RTN1: variants seen among roughly 807,000 people sequenced by gnomAD.
RTN1 encodes the protein reticulon-1.
In RTN1, 25 loss-of-function variants were observed where a neutral mutation model predicts 65.5. The ratio of observed to expected loss-of-function variants is 0.38; its 90% CI spans 0.28 to 0.53. The LOEUF is 0.53. Ranked by LOEUF, RTN1 falls within the 20% of genes least tolerant of loss-of-function variation. The probability of loss-of-function intolerance (pLI) is 0.79; values close to 1 mark genes in which losing one functional copy is unlikely to be tolerated. For synonymous variants in RTN1, 471 were observed against 447.6 expected (o/e 1.05, Z -0.66); for missense variants, 983 against 1,025.4 (o/e 0.96, Z 0.57).
intron 3 of RTN1, among the ~76,000 whole-genome samples, chr14:59,709,746 T>C (rs1884376055): frequency 6.6e-6 from 1 of 152,098 alleles, no homozygotes; most frequent in Non-Finnish European, 1.5e-5. Flanking sequence ...ATAACAAAAA[T>C]GGGAGAGCTT....
chr14:59,741,801 C>A (rs1885122186), intron 2 of RTN1, among the ~76,000 whole-genome samples: 1 of 152,184 alleles, frequency 6.6e-6, no homozygotes, highest in Non-Finnish European at 1.5e-5. Context: ...GCTATTCCCC[C>A]ACACCTGAGG....
chr14:59,698,936 T>C (rs933388224), intron 3 of RTN1, among the ~76,000 whole-genome samples: 1 of 152,214 alleles, frequency 6.6e-6, no homozygotes, highest in Non-Finnish European at 1.5e-5. Flanking sequence ...ATTTTACCTA[T>C]ACAACTGGAG....
chr14:59,800,209 T>C lies in RTN1; in HGVS notation c.242-53728A>G, dbSNP rs566820343. ...AAGCCTGTGAGGCAATGAAGGTAAC[T>C]CTAGAAACAAAATCCCAGCCTAATT... On this transcript the variant is annotated intron_variant, in intron 1 of 8. Coordinates refer to ENST00000267484, the MANE Select transcript of RTN1 (RefSeq NM_021136.3). Among the ~76,000 whole-genome samples, 12 of 152,226 alleles carry C rather than the reference T, an allele frequency of 7.9e-5. No homozygotes were observed. In the East Asian group the frequency reaches 1.5e-3, roughly 20 times the overall value.
intron 1 of RTN1, among the ~76,000 whole-genome samples, chr14:59,770,378 CAAAAA>C (rs774086177): frequency 3.7e-5 from 2 of 53,750 alleles, no homozygotes; most frequent in African/African-American, 9.4e-5. Context: ...AACTCTGCCT[CAAAAA>C]AAAAAAAAAA....
chr14:59,687,574 G>A (rs113800995), intron 3 of RTN1, among the ~76,000 whole-genome samples: 3 of 152,056 alleles, frequency 2.0e-5, no homozygotes, highest in African/African-American at 7.2e-5. Context: ...TGGATCTCCA[G>A]GCATTTGGAG....
At chr14:59,615,138 C>CT (rs1882067033) in intron 3 of RTN1, among the ~76,000 whole-genome samples, 1 of 152,072 alleles carries the variant, frequency 6.6e-6, no homozygotes, top group African/African-American at 2.4e-5. Flanking sequence ...AATTATTTAG[C>CT]TTTTTTCCTT....
At chr14:59,627,564 G>T (rs138455398) in intron 3 of RTN1, among the ~76,000 whole-genome samples, 16 of 152,300 alleles carry the variant, frequency 1.1e-4, no homozygotes, top group African/African-American at 3.1e-4. Context: ...TTCTCATTTT[G>T]TTTTCACTGA....
intron 1 of RTN1, among the ~76,000 whole-genome samples, chr14:59,857,523 C>T (rs1288811143): frequency 6.6e-6 from 1 of 152,148 alleles, no homozygotes; most frequent in East Asian, 1.9e-4. Context: ...TTTATTCCTC[C>T]CCTCGTCCCC....
At chr14:59,793,192 A>G (rs1886380375) in intron 1 of RTN1, among the ~76,000 whole-genome samples, 1 of 152,348 alleles carries the variant, frequency 6.6e-6, no homozygotes, top group Non-Finnish European at 1.5e-5. Flanking sequence ...TTACTAATTA[A>G]CATCAAGTAC....
intron 1 of RTN1, among the ~76,000 whole-genome samples, chr14:59,813,931 G>A (rs930947854): frequency 6.6e-6 from 1 of 152,066 alleles, no homozygotes; most frequent in African/African-American, 2.4e-5. Flanking sequence ...ACCATCGCTG[G>A]AATTGATGAG....
At chr14:59,740,176 A>C (rs1046551020) in intron 2 of RTN1, among the ~76,000 whole-genome samples, 1 of 149,594 alleles carries the variant, frequency 6.7e-6, no homozygotes, top group African/African-American at 2.5e-5. Flanking sequence ...GTGTTTGTTC[A>C]TTATCATATC....
intron 3 of RTN1, among the ~76,000 whole-genome samples, chr14:59,714,232 TAAAAAAAA>T (rs66785056): frequency 3.1e-5 from 4 of 127,962 alleles, no homozygotes; most frequent in African/African-American, 5.5e-5. Context: ...AGACTCCGTC[TAAAAAAAA>T]AAAAAAAAAA....
chr14:59,775,491 G>T (rs1178900177), intron 1 of RTN1, among the ~76,000 whole-genome samples: 1 of 152,108 alleles, frequency 6.6e-6, no homozygotes, highest in African/African-American at 2.4e-5. Context: ...TAATGGTGGT[G>T]ATAGTTAATA....
chr14:59,678,278 C>T (rs777114811), intron 3 of RTN1, among the ~76,000 whole-genome samples: 2 of 152,096 alleles, frequency 1.3e-5, no homozygotes, highest in Non-Finnish European at 2.9e-5. Flanking sequence ...AATGCTAATG[C>T]GAAAATGGCC....
intron 3 of RTN1, among the ~76,000 whole-genome samples, chr14:59,655,592 A>G (rs1458834402): frequency 6.6e-6 from 1 of 152,250 alleles, no homozygotes; most frequent in Middle Eastern, 3.2e-3. Flanking sequence ...ACAATGATCA[A>G]GACAGGGTGG....
At chr14:59,788,556 G>C (rs930059061) in intron 1 of RTN1, among the ~76,000 whole-genome samples, 3 of 151,902 alleles carry the variant, frequency 2.0e-5, no homozygotes, top group Non-Finnish European at 4.4e-5. Flanking sequence ...TTTAGTTCTC[G>C]ATTTTGAAGG....
chr14:59,847,122 C>A (rs1594765584), intron 1 of RTN1, among the ~76,000 whole-genome samples: 2 of 152,164 alleles, frequency 1.3e-5, no homozygotes, highest in Non-Finnish European at 2.9e-5. Flanking sequence ...AAAGCTTTTT[C>A]TGACTTTCTC....
chr14:59,834,622 G>C (rs1887183287), intron 1 of RTN1, among the ~76,000 whole-genome samples: 1 of 152,094 alleles, frequency 6.6e-6, no homozygotes, highest in African/African-American at 2.4e-5. Flanking sequence ...CACAGAAAAA[G>C]CAAGTGGCAT....
intron 1 of RTN1, among the ~76,000 whole-genome samples, chr14:59,834,844 A>G (rs1887186984): frequency 6.6e-6 from 1 of 152,206 alleles, no homozygotes; most frequent in Admixed American, 6.5e-5. Flanking sequence ...AATCAAAAGG[A>G]CTGACAATAG....
Sources: gnomAD v4.1 joint callset for allele counts (sites outside exome capture counted in the v4.1 genomes callset) on GRCh38, gnomAD v4.1.1 for gene constraint, MANE v1.5 for transcripts, NCBI Gene and HGNC (gene_info 2026-07-23, HGNC 2026-07-21) for gene names.